Variants in ATP13A1 observed in about 807,000 individuals in gnomAD.
ATP13A1 encodes ATPase 13A1.
Under a neutral mutation model 134.8 loss-of-function variants are expected in ATP13A1, and 55 were observed. That is an observed-to-expected ratio of 0.41 (90% CI 0.33 to 0.51). The LOEUF (loss-of-function observed/expected upper bound fraction) is 0.51. Ranked by LOEUF, ATP13A1 falls within the 20% of genes least tolerant of loss-of-function variation. The pLI, the probability that ATP13A1 is intolerant of heterozygous loss-of-function variation, is 0.29. For missense variants in ATP13A1, 1,389 were observed against 1,652.8 expected, an observed-to-expected ratio of 0.84 and a Z score of 2.77; for synonymous variants, 775 against 725.1, an observed-to-expected ratio of 1.07 and a Z score of -1.10.
chr19:19,651,110 T>C (rs1430944428), intron 17 of ATP13A1: 1 of 137,338 alleles, frequency 7.3e-6, no homozygotes, highest in Non-Finnish European at 1.6e-5. Context: ...GTCCCTTCTC[T>C]ACAAAGCAGG....
chr19:19,657,012 G>C lies in ATP13A1; in HGVS notation c.888C>G (p.Asn296Lys), dbSNP rs763473179. 2.5e-6 allele frequency: 4 copies of C among 1,586,964 alleles called. No individual in the cohort carries two copies. Among genetic ancestry groups the C allele is most frequent in the Non-Finnish European group, 3.4e-6 (4 of 1,166,110 alleles). The change falls in exon 5 of 26, where the codon AAC becomes AAG. Residue 296 changes from asparagine (N) to lysine (K), a missense_variant. Asn to Lys is a moderately conservative substitution (Grantham distance 94, BLOSUM62 0). This residue lies in a region of ATP13A1 where 747 missense variants were observed against 956.1 expected (regional missense o/e 0.78). Transcript: ENST00000357324. Reference protein sequence around the residue: ...RNMSEIRKMGNKPHMIQVYRS... With the variant: ...RNMSEIRKMGKKPHMIQVYRS... ...GCCACACCTGGATCATGTGGGGCTT[G>C]TTGCCCATCTTCCGGATCTCCGACA...
Position 19,645,803 on chromosome 19 carries a change from G to C in ATP13A1, c.3361-13C>G. 6.2e-7 allele frequency: 1 copy of C among 1,611,568 alleles called. No individual in the cohort carries two copies. ...TGAAGGGCGGGCCCTGTGGGGATGA[G>C]GGACAGATGGCTTCATGGGGTGGGG... On this transcript the variant is annotated splice_polypyrimidine_tract_variant and intron_variant, in intron 24 of 25. Transcript: ENST00000357324. This position sits in a 1 kb window ranked among gnomAD's most constrained non-coding sequence, Gnocchi z 4.1.
intron 3 of ATP13A1, among the ~76,000 whole-genome samples, chr19:19,659,161 A>G (rs982129998): frequency 2.0e-5 from 3 of 150,662 alleles, no homozygotes; most frequent in African/African-American, 7.3e-5. Flanking sequence ...ATTTGGCTAA[A>G]AGGGCAGATT....
chr19:19,660,976 G>A (rs913110681), intron 1 of ATP13A1, among the ~76,000 whole-genome samples: 3 of 151,824 alleles, frequency 2.0e-5, no homozygotes, highest in African/African-American at 7.3e-5. Context: ...CTACTCGGGA[G>A]GCTGAGGCAG....
chr19:19,659,550 A>C, intron 3 of ATP13A1, 51 bp downstream of exon 3: 1 of 1,499,252 alleles, frequency 6.7e-7, no homozygotes, highest in South Asian at 1.2e-5. Flanking sequence ...CTGAATCAGG[A>C]GGGGAGCAGG....
chr19:19,653,858 T>C lies in ATP13A1; in HGVS notation c.2026A>G (p.Thr676Ala). 1 of 1,567,092 alleles carries C rather than the reference T, an allele frequency of 6.4e-7. No individual in the cohort carries two copies. The highest frequency in any genetic ancestry group is 8.6e-7 in the Non-Finnish European group (1 of 1,156,568). Reference protein sequence around the residue: ...QCPPDYHHIHTEISREGARVL... With the variant: ...QCPPDYHHIHAEISREGARVL... ...CGGGCTCCTTCCCGGGAGATCTCGG[T>C]GTGGATGTGGTGGTAGTCGGGCGGG... is the stretch of plus-strand genomic sequence containing the variant. Residue 676 changes from threonine (T) to alanine (A), a missense_variant, in exon 15 of 26, where the codon ACC becomes GCC. Transcript: ENST00000357324. The surrounding 1 kb of genome is among the most constrained non-coding windows in gnomAD (Gnocchi z 4.2).
In ATP13A1 at chr19:19,645,505, G is replaced by A. The variant is rs545878556; in HGVS notation, c.3532C>T (p.Leu1178Phe). The change falls in exon 26 of 26, where the codon CTC (leucine) becomes TTC (phenylalanine). Residue 1178 changes from leucine to phenylalanine, a missense_variant. By Grantham distance (22) the Leu-to-Phe change is conservative (BLOSUM62 0). Transcript: ENST00000357324. The surrounding 1 kb of genome is among the most constrained non-coding windows in gnomAD (Gnocchi z 4.1). ...AGGAGCGCCAGGCAGAAGTCCAGGA[G>A]CAGGACCTGGGCAATGACCAGCTTG... The part of the protein sequence containing the change: ...EFKLVIAQVL[L>F]LDFCLALLAD... The A allele has an allele frequency of 8.1e-6, 13 of 1,605,884 alleles. No individual in the cohort carries two copies. In the East Asian group the frequency reaches 1.3e-4, roughly 17 times the overall value.
At chr19:19,657,687 G>A (rs1176894004) in intron 3 of ATP13A1, among the ~76,000 whole-genome samples, 1 of 152,196 alleles carries the variant, frequency 6.6e-6, no homozygotes, top group Non-Finnish European at 1.5e-5. Flanking sequence ...TGCTCTTCCT[G>A]GCAGCCTGGG....
chr19:19,652,774 T>C lies in ATP13A1; in HGVS notation c.2101-54A>G, dbSNP rs1344353883. ...TCTGTCCCTCCCTCTGCCCACACTC[T>C]GCATTTCCTGAGCTCTGACCATGCG... is the stretch of plus-strand genomic sequence containing the variant. On this transcript the variant is annotated intron_variant, in intron 15 of 25. Transcript: ENST00000357324. 1.1e-5 allele frequency: 17 copies of C among 1,551,254 alleles called. No individual in the cohort carries two copies. In the Admixed American group the frequency reaches 3.1e-4, roughly 29 times the overall value.
intron 3 of ATP13A1, 85 bp downstream of exon 3, chr19:19,659,516 C>T: frequency 1.0e-6 from 1 of 967,268 alleles, no homozygotes; most frequent in East Asian, 2.5e-5. Context: ...AGGGCAGATG[C>T]CTCTGTCCCG....
intron 3 of ATP13A1, 68 bp from the exon 4 acceptor site, chr19:19,657,476 C>A: frequency 6.9e-7 from 1 of 1,438,868 alleles, no homozygotes. Flanking sequence ...TCCACCCTGA[C>A]CCCTCCAACC....
Position 19,656,472 on chromosome 19 carries a change from G to C in ATP13A1, c.1083+188C>G, listed in dbSNP as rs572824382. On this transcript the variant is annotated intron_variant, in intron 7 of 25. Coordinates refer to ENST00000357324, the MANE Select transcript of ATP13A1 (RefSeq NM_020410.3). This position sits in a 1 kb window ranked among gnomAD's most constrained non-coding sequence, Gnocchi z 4.6. ...ACATCCCAGGGCACCAATGTACCCTGGATGCCCTTGGCTCTCTCACCTCCT... is the reference window on the plus strand; with the variant it reads ...ACATCCCAGGGCACCAATGTACCCTCGATGCCCTTGGCTCTCTCACCTCCT... Among the ~76,000 whole-genome samples, 3 of 152,172 alleles carry C rather than the reference G, an allele frequency of 2.0e-5. No individual in the cohort carries two copies. In the East Asian group the frequency reaches 5.8e-4, roughly 29 times the overall value.
At chr19:19,662,066 C>G (rs1471701027) in intron 1 of ATP13A1, 18 of 1,573,980 alleles carry the variant, frequency 1.1e-5, no homozygotes, top group Non-Finnish European at 1.6e-5. Context: ...GAATCAAACC[C>G]AGATCCACCT....
At chr19:19,654,442 C>T (rs1599433004) in intron 13 of ATP13A1, 101 bp downstream of exon 13, 6 of 1,396,060 alleles carry the variant, frequency 4.3e-6, no homozygotes, top group Non-Finnish European at 5.7e-6. Context: ...GAGCTGTAGG[C>T]CTGCCTGTCC....
chr19:19,661,129 C>A (rs576995844), intron 1 of ATP13A1, among the ~76,000 whole-genome samples: 11 of 152,140 alleles, frequency 7.2e-5, no homozygotes, highest in African/African-American at 2.4e-4. Context: ...AAAACAAAAA[C>A]AAAAACAACA....
Position 19,663,397 on chromosome 19 carries a change from GC to G in ATP13A1, c.269del (p.Gly90AlafsTer53). 6.3e-7 allele frequency: 1 copy of G among 1,582,770 alleles called. No individual in the cohort carries two copies. The highest frequency in any genetic ancestry group is 8.6e-7 in the Non-Finnish European group (1 of 1,166,532). ...CTTCGGGGATCTGCACCCAACTGCT[GC>G]CCCAGCCCCAGCAGCCAGCGGCTGC... The part of the protein sequence containing the change: ...GAAAAGCWGW[G>X]SSWVQIPEAA... On this transcript the variant is annotated frameshift_variant, in exon 1 of 26. Transcript: ENST00000357324. LOFTEE classifies it high-confidence loss of function.
chr19:19,651,469 GTAAA>G, intron 17 of ATP13A1: 1 of 453,026 alleles, frequency 2.2e-6, no homozygotes, highest in Non-Finnish European at 4.0e-6. Flanking sequence ...CCTCATTATG[GTAAA>G]TAAACACCTA....
intron 4 of ATP13A1, 68 bp from the exon 5 acceptor site, chr19:19,657,217 G>T (rs1434324802): frequency 6.1e-6 from 9 of 1,482,768 alleles, no homozygotes; most frequent in Non-Finnish European, 6.3e-6. Flanking sequence ...TCCACCCACC[G>T]GATCTGATAT....
chr19:19,651,659 T>A, intron 17 of ATP13A1, 30 bp downstream of exon 17: 1 of 1,571,990 alleles, frequency 6.4e-7, no homozygotes, highest in Non-Finnish European at 8.7e-7. Context: ...GGGTCCCCCT[T>A]CCCCACTGTG....
Sources: allele counts gnomAD v4.1 joint callset (sites outside exome capture counted in the v4.1 genomes callset), GRCh38; gene constraint gnomAD v4.1.1; regional missense constraint gnomAD v4.1.1; non-coding constraint Gnocchi (gnomAD v3.1); transcripts MANE v1.5; gene names NCBI Gene and HGNC (gene_info 2026-07-23, HGNC 2026-07-21).